FRAS1: variants seen among roughly 807,000 people sequenced by gnomAD.
FRAS1 encodes the protein Fraser extracellular matrix complex subunit 1, also known as extracellular matrix organizing protein FRAS1.
A neutral mutation model predicts 435.2 loss-of-function variants in FRAS1; 290 were observed. That is an observed-to-expected ratio of 0.67 (90% CI 0.61 to 0.73). The LOEUF (loss-of-function observed/expected upper bound fraction) is 0.73, where lower values mean the gene tolerates loss of function less well. FRAS1 is among the 30% of genes least tolerant of loss of function. The pLI is 0.00. For missense variants in FRAS1, 4,860 were observed against 5,001.5 expected, an observed-to-expected ratio of 0.97 and a Z score of 0.85; for synonymous variants, 1,800 against 1,851.0, an observed-to-expected ratio of 0.97 and a Z score of 0.71.
intron 2 of FRAS1, among the ~76,000 whole-genome samples, chr4:78,141,640 T>A (rs1033033050): frequency 1.1e-4 from 16 of 152,050 alleles, no homozygotes; most frequent in African/African-American, 3.9e-4. Context: ...TGATGGAGGA[T>A]CATAATGGGG....
intron 2 of FRAS1, among the ~76,000 whole-genome samples, chr4:78,163,032 T>C (rs1721202407): frequency 6.6e-6 from 1 of 152,206 alleles, no homozygotes; most frequent in Non-Finnish European, 1.5e-5. Flanking sequence ...CCTTCAGTGT[T>C]TGAAGTGGTA....
At chr4:78,514,770 T>C (rs1002043129) in intron 65 of FRAS1, among the ~76,000 whole-genome samples, 1 of 152,156 alleles carries the variant, frequency 6.6e-6, no homozygotes, top group Admixed American at 6.5e-5. Flanking sequence ...TTTAGTACTA[T>C]AAAAATTTTA....
At chr4:78,511,131 A>C (rs1721021210) in intron 63 of FRAS1, 143 bp from the exon 64 acceptor site, 3 of 709,718 alleles carry the variant, frequency 4.2e-6, no homozygotes, top group East Asian at 5.4e-5. Flanking sequence ...AAAAGTCAAT[A>C]ATTACGTGAT....
intron 59 of FRAS1, among the ~76,000 whole-genome samples, chr4:78,491,458 A>C (rs1158147685): frequency 6.6e-6 from 1 of 152,208 alleles, no homozygotes; most frequent in Non-Finnish European, 1.5e-5. Flanking sequence ...ATCCACCACG[A>C]TCAAGTTGGC....
intron 55 of FRAS1, among the ~76,000 whole-genome samples, chr4:78,478,726 C>A (rs1719924961): frequency 2.0e-5 from 3 of 152,140 alleles, no homozygotes. Context: ...TTTTGGGTTT[C>A]TTTCTTGAAT....
At chr4:78,218,096 T>TCACACA (rs1331078788) in intron 2 of FRAS1, among the ~76,000 whole-genome samples, 45 of 10,722 alleles carry the variant, frequency 4.2e-3, no homozygotes, top group African/African-American at 4.9e-3. Context: ...TCTCACTCTC[T>TCACACA]CTCACACACA....
chr4:78,069,776 C>A (rs889959902), intron 2 of FRAS1, among the ~76,000 whole-genome samples: 1 of 111,702 alleles, frequency 9.0e-6, no homozygotes, highest in Non-Finnish European at 1.8e-5. Flanking sequence ...CTCAACAAAC[C>A]CAGGAAATAG....
chr4:78,275,046 T>G (rs1726923447), intron 9 of FRAS1, among the ~76,000 whole-genome samples: 1 of 152,212 alleles, frequency 6.6e-6, no homozygotes, highest in African/African-American at 2.4e-5. Context: ...TCTTGTTGAA[T>G]TGATCCCTTT....
At chr4:78,104,666 C>G (rs972561886) in intron 2 of FRAS1, among the ~76,000 whole-genome samples, 1 of 152,138 alleles carries the variant, frequency 6.6e-6, no homozygotes, top group African/African-American at 2.4e-5. Flanking sequence ...TATTGCAGAG[C>G]TGATATGTTT....
Position 78,380,438 on chromosome 4 carries a change from CT to C in FRAS1, c.3563+447del, listed in dbSNP as rs368288255. On this transcript the variant is annotated intron_variant, in intron 27 of 73. Transcript: ENST00000512123. Reference sequence around the variant, plus strand: ...AAAGGAAACTTAGAATCACAGTGAACTTTTTATTATCCACATTATGGAATTA... The same window carrying C: ...AAAGGAAACTTAGAATCACAGTGAACTTTTATTATCCACATTATGGAATTA... Among the ~76,000 whole-genome samples, 425 of 152,256 alleles carry C rather than the reference CT, an allele frequency of 2.8e-3. 1 individual carries two copies. The highest frequency in any genetic ancestry group is 9.0e-3 in the African/African-American group (375 of 41,544).
intron 47 of FRAS1, among the ~76,000 whole-genome samples, chr4:78,462,087 G>T (rs1042725153): frequency 6.0e-5 from 9 of 150,768 alleles, no homozygotes; most frequent in African/African-American, 1.7e-4. Context: ...CACACTTTAC[G>T]CCGGAAGCAA....
At chr4:78,504,824 G>C (rs1188596277) in intron 61 of FRAS1, among the ~76,000 whole-genome samples, 1 of 152,108 alleles carries the variant, frequency 6.6e-6, no homozygotes, top group African/African-American at 2.4e-5. Context: ...TAGCATCAAT[G>C]GTCTTTACAA....
intron 2 of FRAS1, among the ~76,000 whole-genome samples, chr4:78,067,048 G>T (rs1404216391): frequency 6.6e-6 from 1 of 151,910 alleles, no homozygotes; most frequent in Non-Finnish European, 1.5e-5. Context: ...GGAATCATTT[G>T]CTCTAAAATA....
chr4:78,205,944 C>T (rs569829658), intron 2 of FRAS1, among the ~76,000 whole-genome samples: 8 of 152,084 alleles, frequency 5.3e-5, no homozygotes, highest in Non-Finnish European at 1.0e-4. Context: ...TTGGACAGAC[C>T]TTTCATCCAC....
At chr4:78,303,180 T>C (rs1247500696) in intron 14 of FRAS1, among the ~76,000 whole-genome samples, 2 of 152,202 alleles carry the variant, frequency 1.3e-5, no homozygotes, top group African/African-American at 4.8e-5. Flanking sequence ...ATATGCGGCA[T>C]TATTTCTGAG....
chr4:78,213,631 A>G (rs184240395), intron 2 of FRAS1, among the ~76,000 whole-genome samples: 1 of 152,202 alleles, frequency 6.6e-6, no homozygotes, highest in East Asian at 1.9e-4. Flanking sequence ...CTTGACTGCT[A>G]GGAGAATATG....
intron 29 of FRAS1, among the ~76,000 whole-genome samples, chr4:78,390,725 G>A (rs536104051): frequency 6.6e-6 from 1 of 152,288 alleles, no homozygotes; most frequent in African/African-American, 2.4e-5. Context: ...ATGGCTTCTT[G>A]TAGATGCATT....
intron 18 of FRAS1, among the ~76,000 whole-genome samples, chr4:78,322,168 G>T (rs1019679160): frequency 6.6e-6 from 1 of 152,160 alleles, no homozygotes; most frequent in African/African-American, 2.4e-5. Context: ...TATGTGTGCT[G>T]ATTGATGTAT....
intron 2 of FRAS1, among the ~76,000 whole-genome samples, chr4:78,100,589 C>T (rs1478746833): frequency 2.0e-5 from 3 of 152,190 alleles, no homozygotes; most frequent in South Asian, 2.1e-4. Flanking sequence ...ACCCATGCAG[C>T]GGCACAGGCC....
Sources: allele counts gnomAD v4.1 joint callset (sites outside exome capture counted in the v4.1 genomes callset), GRCh38; gene constraint gnomAD v4.1.1; transcripts MANE v1.5; gene names NCBI Gene and HGNC (gene_info 2026-07-23, HGNC 2026-07-21).